The following DCC variants were observed in gnomAD, a reference collection of about 807,000 sequenced individuals.
DCC encodes the protein DCC netrin 1 receptor.
In DCC, 58 loss-of-function variants were observed where a neutral mutation model predicts 172.5. The ratio of observed to expected loss-of-function variants is 0.34; its 90% confidence interval spans 0.27 to 0.42. The LOEUF is 0.42. Among genes scored for constraint, DCC ranks in the 10% least tolerant of loss-of-function variants. The pLI is 1.00. For synonymous variants in DCC, 709 were observed against 644.5 expected (o/e 1.10, Z -1.52); for missense variants, 1,740 against 1,791.0 (o/e 0.97, Z 0.51).
intron 5 of DCC, among the ~76,000 whole-genome samples, chr18:53,031,143 C>T (rs1484590295): frequency 6.6e-6 from 1 of 152,110 alleles, no homozygotes; most frequent in Non-Finnish European, 1.5e-5. Flanking sequence ...TCTGTAATCC[C>T]AGCTACTTGG....
At chr18:52,908,953 G>A (rs941427867) in intron 3 of DCC, among the ~76,000 whole-genome samples, 10 of 152,138 alleles carry the variant, frequency 6.6e-5, no homozygotes, top group African/African-American at 2.2e-4. Context: ...ACTTGGCTAA[G>A]CCTGTCTCGT....
intron 9 of DCC, among the ~76,000 whole-genome samples, chr18:53,193,812 C>T (rs773537350): frequency 7.2e-5 from 11 of 152,124 alleles, no homozygotes; most frequent in African/African-American, 1.4e-4. Context: ...AATAGATAAA[C>T]AATAAATTGA....
intron 21 of DCC, among the ~76,000 whole-genome samples, chr18:53,417,631 G>A (rs562729721): frequency 2.2e-4 from 33 of 151,950 alleles, no homozygotes; most frequent in East Asian, 1.7e-3. Context: ...TGAAGCTTCC[G>A]TAGACAGATA....
chr18:52,754,171 C>G (rs1391747890), intron 2 of DCC: 1 of 152,182 alleles, frequency 6.6e-6, no homozygotes, highest in Non-Finnish European at 1.5e-5. Context: ...ACCACTCCTT[C>G]ATGCACTCTC....
At chr18:53,157,656 G>A (rs1164175710) in intron 8 of DCC, 144 bp downstream of exon 8, 2 of 818,982 alleles carry the variant, frequency 2.4e-6, no homozygotes, top group Non-Finnish European at 4.1e-6. Context: ...TTCCCCAGTG[G>A]AGATGTGCAC....
intron 1 of DCC, among the ~76,000 whole-genome samples, chr18:52,713,798 C>T (rs2036335040): frequency 6.6e-6 from 1 of 152,168 alleles, no homozygotes; most frequent in Admixed American, 6.5e-5. Context: ...ACATGTGGCA[C>T]TGTGCTAAGT....
chr18:52,587,702 C>T (rs554982930), intron 1 of DCC, among the ~76,000 whole-genome samples: 1 of 152,330 alleles, frequency 6.6e-6, no homozygotes, highest in South Asian at 2.1e-4. Context: ...ACCTTCACCA[C>T]TTTCCTTCAG....
chr18:53,340,049 C>CTGTCTG, intron 15 of DCC, 142 bp downstream of exon 15: 2 of 258,074 alleles, frequency 7.7e-6, no homozygotes, highest in Admixed American at 9.8e-5. Context: ...TGTCTATCTA[C>CTGTCTG]ACACACACAC....
intron 2 of DCC, among the ~76,000 whole-genome samples, chr18:52,873,039 T>C (rs975620284): frequency 2.0e-5 from 3 of 152,186 alleles, no homozygotes; most frequent in Non-Finnish European, 2.9e-5. Flanking sequence ...ATTTGTAATA[T>C]AAGAATAATG....
intron 12 of DCC, among the ~76,000 whole-genome samples, chr18:53,222,383 CTTTTTTT>C (rs67373546): frequency 1.2e-4 from 12 of 104,186 alleles, no homozygotes; most frequent in East Asian, 1.1e-3. Flanking sequence ...TTTCTTTTTT[CTTTTTTT>C]TTTTTTTTTT....
intron 7 of DCC, among the ~76,000 whole-genome samples, chr18:53,092,928 G>A (rs549390770): frequency 6.6e-6 from 1 of 152,048 alleles, no homozygotes; most frequent in African/African-American, 2.4e-5. Flanking sequence ...TCACAAGAAT[G>A]GAATAAAAGA....
intron 7 of DCC, among the ~76,000 whole-genome samples, chr18:53,084,627 C>T (rs1485974609): frequency 6.6e-6 from 1 of 152,068 alleles, no homozygotes; most frequent in Non-Finnish European, 1.5e-5. Context: ...CAAGGGCTCA[C>T]AAGCCAAGCA....
intron 5 of DCC, among the ~76,000 whole-genome samples, chr18:53,007,545 A>G (rs1430087547): frequency 6.6e-6 from 1 of 152,152 alleles, no homozygotes; most frequent in African/African-American, 2.4e-5. Flanking sequence ...AGTAAAATAT[A>G]CTGAGAGTCA....
chr18:53,093,999 G>A (rs753834213), intron 7 of DCC, among the ~76,000 whole-genome samples: 1 of 152,062 alleles, frequency 6.6e-6, no homozygotes, highest in Admixed American at 6.6e-5. Context: ...TGAGATTAAA[G>A]TGCTTTAAAA....
At chr18:52,775,729 A>G (rs926679447) in intron 2 of DCC, among the ~76,000 whole-genome samples, 1 of 152,066 alleles carries the variant, frequency 6.6e-6, no homozygotes, top group African/African-American at 2.4e-5. Flanking sequence ...TCTTCCGCCG[A>G]TGTGCTCCTC....
chr18:53,278,208 A>T (rs548779960), intron 12 of DCC, among the ~76,000 whole-genome samples: 41 of 152,308 alleles, frequency 2.7e-4, no homozygotes, highest in Non-Finnish European at 5.1e-4. Context: ...TGGTGCTTTC[A>T]TTCACATATT....
chr18:53,523,868 A>G (rs1910127), intron 27 of DCC, among the ~76,000 whole-genome samples: 49,716 of 151,880 alleles, frequency 0.33, 8,546 homozygotes, highest in East Asian at 0.54. Flanking sequence ...AAACCTGTAC[A>G]TTCTGCACAT....
intron 15 of DCC, among the ~76,000 whole-genome samples, chr18:53,376,042 A>T (rs2058107011): frequency 6.6e-6 from 1 of 152,100 alleles, no homozygotes; most frequent in South Asian, 2.1e-4. Context: ...AATAGGGATG[A>T]TCATTCCTAC....
chr18:53,368,256 A>C (rs771797729), intron 15 of DCC, among the ~76,000 whole-genome samples: 1 of 152,094 alleles, frequency 6.6e-6, no homozygotes, highest in Non-Finnish European at 1.5e-5. Context: ...GTGTCTATTC[A>C]TGTCCTTTTT....
Sources: gnomAD v4.1 joint callset for allele counts (sites outside exome capture counted in the v4.1 genomes callset) on GRCh38, gnomAD v4.1.1 for gene constraint, MANE v1.5 for transcripts, NCBI Gene and HGNC (gene_info 2026-07-23, HGNC 2026-07-21) for gene names.